Variants in EYS observed in about 807,000 individuals in gnomAD.
EYS encodes protein eyes shut homolog.
In EYS, 250 loss-of-function variants were observed where a neutral mutation model predicts 282.1. The ratio of observed to expected loss-of-function variants is 0.89; its 90% confidence interval spans 0.80 to 0.98. The LOEUF (loss-of-function observed/expected upper bound fraction) is 0.98, where lower values mean the gene tolerates loss of function less well. Ranked by LOEUF, EYS falls within the 50% of genes least tolerant of loss-of-function variation. The probability of loss-of-function intolerance (pLI) is 0.00; values close to 1 mark genes in which losing one functional copy is unlikely to be tolerated. For synonymous variants in EYS, 1,355 were observed against 1,282.9 expected (o/e 1.06, Z -1.20); for missense variants, 4,016 against 3,709.0 (o/e 1.08, Z -2.15).
intron 5 of EYS, among the ~76,000 whole-genome samples, chr6:65,428,209 A>G (rs1290179879): frequency 6.6e-6 from 1 of 152,118 alleles, no homozygotes; most frequent in South Asian, 2.1e-4. Flanking sequence ...TTGAACATTG[A>G]CCCAGTTATT....
chr6:65,414,383 A>C (rs1375516740), intron 5 of EYS, among the ~76,000 whole-genome samples: 3 of 152,202 alleles, frequency 2.0e-5, no homozygotes, highest in African/African-American at 7.2e-5. Context: ...TAGCCTGTAG[A>C]TGTCCAAGAA....
intron 8 of EYS, among the ~76,000 whole-genome samples, chr6:65,377,862 T>A (rs1224271127): frequency 6.6e-6 from 1 of 151,890 alleles, no homozygotes; most frequent in Non-Finnish European, 1.5e-5. Flanking sequence ...CACGAAGAAG[T>A]CAAATCGTGA....
At chr6:63,755,504 C>T (rs888952329) in intron 41 of EYS, among the ~76,000 whole-genome samples, 19 of 152,152 alleles carry the variant, frequency 1.2e-4, no homozygotes, top group Non-Finnish European at 7.3e-5. Context: ...TGTTTTGGTA[C>T]CAGTACCATG....
intron 29 of EYS, among the ~76,000 whole-genome samples, chr6:64,376,560 T>C (rs1198892735): frequency 2.0e-5 from 3 of 152,204 alleles, no homozygotes; most frequent in Non-Finnish European, 4.4e-5. Context: ...GGGCCTGAGC[T>C]ATTTTGTTTT....
At chr6:64,943,768 A>G (rs2150094628) in intron 15 of EYS, among the ~76,000 whole-genome samples, 1 of 152,260 alleles carries the variant, frequency 6.6e-6, no homozygotes, top group South Asian at 2.1e-4. Context: ...ATATCATTAA[A>G]ATGGACATAA....
intron 29 of EYS, among the ~76,000 whole-genome samples, chr6:64,319,864 C>G (rs1392340325): frequency 6.6e-6 from 1 of 151,936 alleles, no homozygotes; most frequent in Non-Finnish European, 1.5e-5. Context: ...CTCAGTTTTC[C>G]TCATCATTGT....
intron 12 of EYS, among the ~76,000 whole-genome samples, chr6:65,208,159 G>A (rs1766083831): frequency 6.6e-6 from 1 of 151,578 alleles, no homozygotes; most frequent in Non-Finnish European, 1.5e-5. Flanking sequence ...GAAAAGACAT[G>A]TCTCAAAAGA....
chr6:65,439,189 C>T (rs2150390559), intron 5 of EYS, among the ~76,000 whole-genome samples: 1 of 152,188 alleles, frequency 6.6e-6, no homozygotes, highest in South Asian at 2.1e-4. Flanking sequence ...TTTCTGAGGG[C>T]TGTGTTCTGT....
chr6:64,602,741 A>G (rs1364323179), intron 24 of EYS, among the ~76,000 whole-genome samples: 1 of 152,010 alleles, frequency 6.6e-6, no homozygotes, highest in Non-Finnish European at 1.5e-5. Flanking sequence ...ATCAAGAAAC[A>G]TTTTCCCCCT....
intron 2 of EYS, among the ~76,000 whole-genome samples, chr6:65,509,401 T>C (rs945117368): frequency 3.9e-5 from 6 of 152,212 alleles, no homozygotes; most frequent in Non-Finnish European, 8.8e-5. Context: ...ATACTTGGTA[T>C]GGGTGGTCTT....
At chr6:65,306,858 A>G (rs1487126308) in intron 11 of EYS, among the ~76,000 whole-genome samples, 4 of 143,776 alleles carry the variant, frequency 2.8e-5, no homozygotes, top group African/African-American at 1.1e-4. Context: ...AAAAAAAAAA[A>G]AAAAGAAAGT....
intron 29 of EYS, among the ~76,000 whole-genome samples, chr6:64,331,965 T>C (rs1193344737): frequency 6.6e-6 from 1 of 152,216 alleles, no homozygotes; most frequent in East Asian, 1.9e-4. Context: ...ACATTATTTC[T>C]AGATTTTGAC....
At chr6:64,028,056 C>T (rs1160728449) in intron 33 of EYS, among the ~76,000 whole-genome samples, 1 of 152,254 alleles carries the variant, frequency 6.6e-6, no homozygotes, top group Non-Finnish European at 1.5e-5. Flanking sequence ...GCTCTTTTCA[C>T]ATGCCTTTCT....
At chr6:64,846,294 T>A (rs1206713504) in intron 19 of EYS, among the ~76,000 whole-genome samples, 1 of 152,150 alleles carries the variant, frequency 6.6e-6, no homozygotes, top group Non-Finnish European at 1.5e-5. Context: ...GCAGGGAGAA[T>A]ACAGATTGGT....
intron 35 of EYS, among the ~76,000 whole-genome samples, chr6:63,887,662 C>T (rs1393535915): frequency 1.3e-5 from 2 of 152,226 alleles, no homozygotes; most frequent in Non-Finnish European, 2.9e-5. Context: ...TTGCAACCTG[C>T]AGACTGGGAG....
intron 36 of EYS, among the ~76,000 whole-genome samples, chr6:63,832,746 T>C (rs2149692380): frequency 6.6e-6 from 1 of 152,274 alleles, no homozygotes; most frequent in African/African-American, 2.4e-5. Flanking sequence ...TACCAAAGCC[T>C]GGCCGAGACA....
rs561592133 is a variant in EYS at position 64,091,254 on chromosome 6, A to G, written c.6425-9252T>C. 5.9e-5 allele frequency among the ~76,000 whole-genome samples: 9 copies of G among 152,310 alleles called. No homozygotes were observed. In the South Asian group the frequency reaches 1.9e-3, roughly 32 times the overall value. On this transcript the variant is annotated intron_variant, in intron 31 of 42. Coordinates refer to ENST00000503581, the MANE Select transcript of EYS (RefSeq NM_001142800.2). ...TTTTGAAAACATTTATCCCTTTCAG[A>G]GAAGTCTTCAGACACATTGCCGTTG...
chr6:65,169,879 T>C (rs1223808241), intron 12 of EYS, among the ~76,000 whole-genome samples: 1 of 151,502 alleles, frequency 6.6e-6, no homozygotes, highest in Non-Finnish European at 1.5e-5. Context: ...CTATACACAT[T>C]GAGAAGAGAT....
intron 35 of EYS, among the ~76,000 whole-genome samples, chr6:63,898,156 T>G (rs940275963): frequency 6.6e-5 from 10 of 152,072 alleles, no homozygotes; most frequent in African/African-American, 2.4e-4. Flanking sequence ...GATATTTGGG[T>G]TTTTTCCTAA....
Sources: gnomAD v4.1 joint callset for allele counts (sites outside exome capture counted in the v4.1 genomes callset) on GRCh38, gnomAD v4.1.1 for gene constraint, MANE v1.5 for transcripts, NCBI Gene and HGNC (gene_info 2026-07-23, HGNC 2026-07-21) for gene names.